The following ARHGEF6 variants were observed in gnomAD, a reference collection of about 807,000 sequenced individuals.
ARHGEF6 encodes Rac/Cdc42 guanine nucleotide exchange factor 6, also known as rho guanine nucleotide exchange factor 6.
Under a neutral mutation model 70.3 loss-of-function variants are expected in ARHGEF6, and 9 were observed. That is an observed-to-expected ratio of 0.13 (90% CI 0.08 to 0.22). The LOEUF is 0.22. Among genes scored for constraint, ARHGEF6 ranks in the 10% least tolerant of loss-of-function variants. ARHGEF6 has a pLI of 1.00. For missense variants in ARHGEF6, 470 were observed against 563.0 expected (o/e 0.83, Z 1.67); for synonymous variants, 201 against 207.8 (o/e 0.97, Z 0.28).
intron 2 of ARHGEF6, among the ~76,000 whole-genome samples, chrX:136,764,070 G>C (rs2077289700): frequency 9.0e-6 from 1 of 110,995 alleles, no homozygotes; most frequent in Admixed American, 9.6e-5. Context: ...TCTCAGCTTA[G>C]TGGCAGACAG....
chrX:136,687,842 T>C, intron 11 of ARHGEF6, 90 bp downstream of exon 11: 4 of 786,362 alleles, frequency 5.1e-6, no homozygotes, highest in Non-Finnish European at 7.9e-6. Context: ...CTAAAGACCT[T>C]TGTATAGGGA....
intron 9 of ARHGEF6, among the ~76,000 whole-genome samples, chrX:136,701,051 A>G (rs1267917148): frequency 8.9e-6 from 1 of 111,992 alleles, no homozygotes; most frequent in East Asian, 2.8e-4. Flanking sequence ...GCTTCAAGAT[A>G]TGTCAATAGA....
chrX:136,734,857 T>A (rs1414835843), intron 5 of ARHGEF6, among the ~76,000 whole-genome samples: 2 of 112,041 alleles, frequency 1.8e-5, no homozygotes, highest in African/African-American at 6.5e-5. Flanking sequence ...CCCATGATCT[T>A]AACACTCTTA....
At chrX:136,719,588 C>T (rs993877765) in intron 6 of ARHGEF6, among the ~76,000 whole-genome samples, 2 of 110,834 alleles carry the variant, frequency 1.8e-5, no homozygotes, top group African/African-American at 6.5e-5. Flanking sequence ...TAAACTTCCA[C>T]CCTAGGAAAC....
At chrX:136,712,468 C>G (rs1323245129) in intron 7 of ARHGEF6, among the ~76,000 whole-genome samples, 1 of 112,366 alleles carries the variant, frequency 8.9e-6, no homozygotes, top group Non-Finnish European at 1.9e-5. Context: ...GTTTAGACAA[C>G]TGTTTAGCAA....
rs186113021 is a variant in ARHGEF6, at chrX:136,726,688, T to C, written c.732+5414A>G. The stretch of plus-strand genomic sequence containing the variant: ...GGCAGGTTCTATAAAACATGCCCTT[T>C]AGGCATCTACCATTATGTTACATAA... On this transcript the variant is annotated intron_variant, in intron 6 of 21. Coordinates refer to ENST00000250617, the MANE Select transcript of ARHGEF6 (RefSeq NM_004840.3). Among the ~76,000 whole-genome samples the C allele has an allele frequency of 2.5e-4, 28 of 112,716 alleles. No individual in the cohort carries two copies. In the East Asian group the frequency reaches 7.5e-3, roughly 30 times the overall value.
chrX:136,756,075 A>C (rs897969200), intron 2 of ARHGEF6, among the ~76,000 whole-genome samples: 11 of 111,784 alleles, frequency 9.8e-5, no homozygotes, highest in Admixed American at 1.9e-4. Flanking sequence ...ATGAGAGTTT[A>C]GCTGTTCTCA....
chrX:136,712,610 C>A (rs2076698334), intron 7 of ARHGEF6, among the ~76,000 whole-genome samples: 1 of 111,391 alleles, frequency 9.0e-6, no homozygotes. Flanking sequence ...AAATGCAGTT[C>A]ACCACTATTT....
chrX:136,767,202 GC>G, intron 2 of ARHGEF6: 1 of 755,247 alleles, frequency 1.3e-6, no homozygotes, highest in Non-Finnish European at 1.6e-6. Flanking sequence ...CCGCGCCGCC[GC>G]CGCCTCCTGG....
intron 16 of ARHGEF6, among the ~76,000 whole-genome samples, chrX:136,679,211 C>T (rs990558872): frequency 1.8e-5 from 2 of 112,142 alleles, no homozygotes; most frequent in African/African-American, 6.5e-5. Context: ...AATGAAGTGG[C>T]TCTTGTTTGA....
At chrX:136,762,941 C>A (rs1424461296) in intron 2 of ARHGEF6, among the ~76,000 whole-genome samples, 2 of 111,904 alleles carry the variant, frequency 1.8e-5, no homozygotes, top group Non-Finnish European at 3.8e-5. Flanking sequence ...AAAAGGCTGC[C>A]CTAACCAGGA....
chrX:136,737,640 G>A (rs1040215494), intron 5 of ARHGEF6, among the ~76,000 whole-genome samples: 2 of 103,524 alleles, frequency 1.9e-5, no homozygotes, highest in African/African-American at 7.1e-5. Flanking sequence ...GATCGCTGGA[G>A]CCCAGGAGTT....
intron 6 of ARHGEF6, among the ~76,000 whole-genome samples, chrX:136,725,365 C>G (rs2076842180): frequency 1.1e-5 from 1 of 91,323 alleles, no homozygotes; most frequent in Admixed American, 1.1e-4. Flanking sequence ...CAAATTATGC[C>G]CCCCCCCCAA....
At chrX:136,674,908 C>A (rs1230087917) in intron 19 of ARHGEF6, 99 bp downstream of exon 19, 3 of 773,402 alleles carry the variant, frequency 3.9e-6, no homozygotes, top group Non-Finnish European at 3.9e-6. Context: ...CTTTCCACAC[C>A]CTGCAACCCA....
chrX:136,696,576 T>C (rs2076514001), intron 9 of ARHGEF6, among the ~76,000 whole-genome samples: 1 of 110,633 alleles, frequency 9.0e-6, no homozygotes, highest in Admixed American at 9.6e-5. Flanking sequence ...TATGATTGTA[T>C]CACTGCACTC....
At chrX:136,747,462 A>G in intron 3 of ARHGEF6, 46 bp downstream of exon 3, 1 of 1,128,781 alleles carries the variant, frequency 8.9e-7, no homozygotes, top group Non-Finnish European at 1.2e-6. Flanking sequence ...AAACACATGG[A>G]TTCAAAAATG....
At chrX:136,707,786 A>C (rs2076640932) in intron 8 of ARHGEF6, among the ~76,000 whole-genome samples, 1 of 111,938 alleles carries the variant, frequency 8.9e-6, no homozygotes, top group Non-Finnish European at 1.9e-5. Flanking sequence ...TATTAAGCTT[A>C]AATAACAGGT....
intron 9 of ARHGEF6, among the ~76,000 whole-genome samples, chrX:136,697,481 G>A (rs1159685809): frequency 8.9e-6 from 1 of 111,959 alleles, no homozygotes; most frequent in Non-Finnish European, 1.9e-5. Context: ...ATGTCCCCAT[G>A]AAATTATCAA....
chrX:136,744,641 G>A (rs1001418683), intron 4 of ARHGEF6, among the ~76,000 whole-genome samples: 4 of 111,401 alleles, frequency 3.6e-5, no homozygotes, highest in African/African-American at 1.3e-4. Flanking sequence ...GCAAGTGGGT[G>A]GCTTTTGACA....
Sources: allele counts gnomAD v4.1 joint callset (sites outside exome capture counted in the v4.1 genomes callset), GRCh38; gene constraint gnomAD v4.1.1; transcripts MANE v1.5; gene names NCBI Gene and HGNC (gene_info 2026-07-23, HGNC 2026-07-21).